Variants in GPR143 observed in about 807,000 individuals in gnomAD.
GPR143 encodes G protein-coupled receptor 143.
A neutral mutation model predicts 27.6 loss-of-function variants in GPR143; 8 were observed. That is an observed-to-expected ratio of 0.29 (90% CI 0.17 to 0.52). The LOEUF is 0.52. GPR143 is among the 20% of genes least tolerant of loss of function. GPR143 has a pLI of 0.96. For missense variants in GPR143, 303 were observed against 343.1 expected (o/e 0.88, Z 0.92); for synonymous variants, 156 against 153.2 (o/e 1.02, Z -0.13).
chrX:9,742,149 A>G (rs777287786), intron 6 of GPR143, among the ~76,000 whole-genome samples: 1 of 111,908 alleles, frequency 8.9e-6, no homozygotes, highest in East Asian at 2.8e-4. Context: ...AGTATTTTTC[A>G]ATGTTATTTT....
chrX:9,739,521 G>A lies in GPR143; in HGVS notation c.1084C>T (p.Gln362Ter). The A allele has an allele frequency of 8.3e-7, 1 of 1,209,717 alleles. No individual in the cohort carries two copies. The highest frequency in any genetic ancestry group is 1.1e-6 in the Non-Finnish European group (1 of 893,674). ...ATGCTCAGGGCTTCGTCAGAAGTCT[G>A]CCCACCCACTTGAGACACCTTCCCG... ...ASGKVSQVGG[Q>*]TSDEALSMLS... The change falls in exon 8 of 9, where the codon CAG becomes TAG. Residue 362 changes from glutamine (Q) to a stop codon, truncating the protein, a stop_gained. Coordinates refer to ENST00000467482, the MANE Select transcript of GPR143 (RefSeq NM_000273.3). LOFTEE classifies it low-confidence loss of function (END_TRUNC).
At chrX:9,735,517 T>G (rs777512991) in intron 8 of GPR143, among the ~76,000 whole-genome samples, 1 of 110,830 alleles carries the variant, frequency 9.0e-6, no homozygotes, top group Non-Finnish European at 1.9e-5. Context: ...AAAACCAACT[T>G]AGTCCTGCAT....
At chrX:9,762,087 A>AAAAAG (rs1212161367) in intron 1 of GPR143, among the ~76,000 whole-genome samples, 2 of 108,141 alleles carry the variant, frequency 1.8e-5, no homozygotes, top group African/African-American at 6.8e-5. Context: ...ACCCTGTGTC[A>AAAAAG]AAAAGAAAAG....
chrX:9,764,039 C>T (rs1394481951), intron 1 of GPR143, among the ~76,000 whole-genome samples: 4 of 112,364 alleles, frequency 3.6e-5, no homozygotes, highest in Admixed American at 9.5e-5. Context: ...AGGTGGCTCA[C>T]GCCTGTAATC....
chrX:9,725,944 C>T, intron 8 of GPR143, 104 bp from the exon 9 acceptor site: 1 of 706,557 alleles, frequency 1.4e-6, no homozygotes. Context: ...TTTCATGGAC[C>T]AACTTTGGTC....
intron 1 of GPR143, among the ~76,000 whole-genome samples, chrX:9,763,229 G>T (rs760460356): frequency 9.0e-6 from 1 of 110,753 alleles, no homozygotes; most frequent in Non-Finnish European, 1.9e-5. Flanking sequence ...GTGAGCCACC[G>T]CACCTTTAGG....
At chrX:9,774,583 G>A (rs767621158) in intron 1 of GPR143, among the ~76,000 whole-genome samples, 8 of 111,992 alleles carry the variant, frequency 7.1e-5, no homozygotes, top group Non-Finnish European at 1.3e-4. Context: ...AGAGGGGCAA[G>A]GACCAGCAAC....
rs746959492 is a variant in GPR143, at chrX:9,739,660, T to C, written c.945A>G (p.Gly315=). ...LLSLAFYGWT[G]CSLGFQSPRK... is the part of the protein sequence containing the mutation. ...TGGGAGACTGAAAACCCAGGCTGCA[T>C]CCTGTCCAGCCGTAGAAGGCCAAAG... The change falls in exon 8 of 9, where the codon GGA becomes GGG. Residue 315 remains glycine, a synonymous_variant. Transcript: ENST00000467482. The C allele has an allele frequency of 8.3e-6, 10 of 1,197,868 alleles. No homozygotes were observed. Among genetic ancestry groups the C allele is most frequent in the Non-Finnish European group, 1.0e-5 (9 of 887,657 alleles).
intron 3 of GPR143, among the ~76,000 whole-genome samples, chrX:9,753,571 C>T (rs1414205822): frequency 9.0e-6 from 1 of 111,082 alleles, no homozygotes; most frequent in Non-Finnish European, 1.9e-5. Flanking sequence ...GATCCTCTGG[C>T]ATGGAAGCGA....
chrX:9,758,875 G>A (rs1218510202), intron 3 of GPR143, among the ~76,000 whole-genome samples: 3 of 111,984 alleles, frequency 2.7e-5, no homozygotes, highest in Non-Finnish European at 3.8e-5. Context: ...GTGTCAAAGC[G>A]AGACCCTGCC....
intron 1 of GPR143, among the ~76,000 whole-genome samples, chrX:9,764,799 G>A (rs1241811661): frequency 1.8e-5 from 2 of 111,104 alleles, no homozygotes; most frequent in African/African-American, 6.6e-5. Context: ...GGCCGAGGCG[G>A]GTGGATTACC....
At chrX:9,728,009 C>T (rs1395710681) in intron 8 of GPR143, among the ~76,000 whole-genome samples, 1 of 112,643 alleles carries the variant, frequency 8.9e-6, no homozygotes, top group African/African-American at 3.2e-5. Flanking sequence ...ACGTCATGCT[C>T]AGGAAGACTC....
chrX:9,750,709 G>A (rs995332561), intron 3 of GPR143, among the ~76,000 whole-genome samples: 5 of 111,140 alleles, frequency 4.5e-5, no homozygotes, highest in African/African-American at 6.6e-5. Flanking sequence ...GATTACAGGC[G>A]CCCACCACCA....
chrX:9,726,776 T>C (rs775768896), intron 8 of GPR143, among the ~76,000 whole-genome samples: 5 of 111,776 alleles, frequency 4.5e-5, no homozygotes, highest in Non-Finnish European at 7.5e-5. Context: ...TGGGGCTAAT[T>C]CTACCTGGCT....
chrX:9,738,769 T>G, intron 8 of GPR143, among the ~76,000 whole-genome samples: 1 of 111,794 alleles, frequency 8.9e-6, no homozygotes, highest in Middle Eastern at 4.6e-3. Context: ...TGATTACAGG[T>G]GTGTGCCTCC....
chrX:9,770,160 C>CA (rs55901901), upstream of GPR143, among the ~76,000 whole-genome samples: 54 of 26,828 alleles, frequency 2.0e-3, 2 homozygotes, highest in South Asian at 0.015. Context: ...CTCCCCCAGT[C>CA]AAAAAAAAAA....
chrX:9,741,634 C>A (rs1262702192), intron 6 of GPR143, among the ~76,000 whole-genome samples, 179 bp from the exon 7 acceptor site: 1 of 111,069 alleles, frequency 9.0e-6, no homozygotes, highest in Non-Finnish European at 1.9e-5. Context: ...CTCCTGTAAT[C>A]CCAGCACTTT....
upstream of GPR143, among the ~76,000 whole-genome samples, chrX:9,766,767 C>G: frequency 9.1e-6 from 1 of 109,760 alleles, no homozygotes; most frequent in East Asian, 2.9e-4. Context: ...TGTGGTGGGG[C>G]GTGCTTGTAG....
In GPR143 at chrX:9,725,980, C is replaced by CAAA. The variant is rs35066814; in HGVS notation, c.1121-143_1121-141dup. ...AAAGTCCTAGCATTCATCTCATCTG[C>CAAA]AAAAAAAAAAAAAAAAAAAAAAAAA... is the stretch of plus-strand genomic sequence containing the variant. On this transcript the variant is annotated intron_variant, in intron 8 of 8. Transcript: ENST00000467482. 4.1e-3 allele frequency: 1,454 copies of CAAA among 352,417 alleles called. 24 individuals are homozygous for CAAA. The highest frequency in any genetic ancestry group is 0.036 in the African/African-American group (478 of 13,347). 29.0% of individuals were successfully genotyped at this position (352,417 alleles called of 1,213,427 possible).
Sources: gnomAD v4.1 joint callset for allele counts (sites outside exome capture counted in the v4.1 genomes callset) on GRCh38, gnomAD v4.1.1 for gene constraint, MANE v1.5 for transcripts, NCBI Gene and HGNC (gene_info 2026-07-23, HGNC 2026-07-21) for gene names.